Variants in PIGK observed in about 807,000 individuals in gnomAD.
PIGK encodes GPI-anchor transamidase.
PIGK carries 42 observed loss-of-function variants against 50.6 expected under a neutral mutation model. The ratio of observed to expected loss-of-function variants is 0.83; its 90% confidence interval spans 0.65 to 1.07. The LOEUF is 1.07. Among genes scored for constraint, PIGK ranks in the 50% least tolerant of loss-of-function variants. The pLI is 0.00. For missense variants in PIGK, 448 were observed against 488.7 expected, an observed-to-expected ratio of 0.92 and a Z score of 0.78; for synonymous variants, 151 against 156.0, an observed-to-expected ratio of 0.97 and a Z score of 0.24.
chr1:77,138,909 G>A (rs1030914009), intron 9 of PIGK, among the ~76,000 whole-genome samples: 3 of 152,110 alleles, frequency 2.0e-5, no homozygotes, highest in African/African-American at 7.2e-5. Flanking sequence ...TCACATGAGA[G>A]TATGACTGAT....
intron 10 of PIGK, among the ~76,000 whole-genome samples, chr1:77,111,400 A>G (rs1306387802): frequency 6.6e-6 from 1 of 152,216 alleles, no homozygotes; most frequent in Non-Finnish European, 1.5e-5. Context: ...AATGTGGCAC[A>G]TATACACCAT....
chr1:77,108,300 C>T (rs1390379808), intron 10 of PIGK, among the ~76,000 whole-genome samples: 1 of 152,192 alleles, frequency 6.6e-6, no homozygotes, highest in Non-Finnish European at 1.5e-5. Flanking sequence ...GACAAAATCT[C>T]TCAGCATTTG....
At chr1:77,194,095 C>T (rs1157736425) in intron 3 of PIGK, among the ~76,000 whole-genome samples, 1 of 152,198 alleles carries the variant, frequency 6.6e-6, no homozygotes, top group East Asian at 1.9e-4. Context: ...CTCAGCATCA[C>T]TAATCATTAG....
intron 9 of PIGK, among the ~76,000 whole-genome samples, chr1:77,138,222 T>G (rs1030288282): frequency 6.6e-6 from 1 of 152,224 alleles, no homozygotes; most frequent in Admixed American, 6.5e-5. Flanking sequence ...AGAAGGAGAC[T>G]GTCCTGAATG....
intron 10 of PIGK, among the ~76,000 whole-genome samples, chr1:77,106,281 G>T (rs1427957549): frequency 6.6e-6 from 1 of 152,046 alleles, no homozygotes; most frequent in Admixed American, 6.6e-5. Context: ...GCTTTCAAGT[G>T]GAAAAGGAGG....
In PIGK at chr1:77,166,781, C is replaced by T; in HGVS notation, c.425G>A (p.Ser142Asn). The T allele has an allele frequency of 2.5e-6, 4 of 1,604,160 alleles. No homozygotes were observed. Among genetic ancestry groups the T allele is most frequent in the Non-Finnish European group, 3.4e-6 (4 of 1,174,288 alleles). Residue 142 changes from serine to asparagine, a missense_variant, in exon 5 of 11, where the codon AGT becomes AAT. Physicochemically the swap from Ser to Asn is conservative, Grantham distance 46. Transcript: ENST00000370812. ...AAGAAGACGTTTTGACCGAGGAGTACTAGGTGGGATCCTCCCAGTTAATAC... is the reference window on the plus strand; with the variant it reads ...AAGAAGACGTTTTGACCGAGGAGTATTAGGTGGGATCCTCCCAGTTAATAC... ...LRVLTGRIPP[S>N]TPRSKRLLSD...
chr1:77,177,312 G>A (rs1482647635), intron 3 of PIGK, among the ~76,000 whole-genome samples: 1 of 152,222 alleles, frequency 6.6e-6, no homozygotes, highest in African/African-American at 2.4e-5. Context: ...GACATGTCTT[G>A]AGATGGCCAT....
intron 10 of PIGK, among the ~76,000 whole-genome samples, chr1:77,118,684 C>T (rs1361428737): frequency 6.6e-6 from 1 of 152,182 alleles, no homozygotes; most frequent in Non-Finnish European, 1.5e-5. Flanking sequence ...TAGTATCCCC[C>T]TCCAGTAGTT....
chr1:77,133,187 T>A (rs562522834), intron 9 of PIGK, among the ~76,000 whole-genome samples: 9 of 151,184 alleles, frequency 6.0e-5, no homozygotes, highest in African/African-American at 2.0e-4. Flanking sequence ...TATCTCGTAC[T>A]GTTTGTTTTT....
intron 3 of PIGK, among the ~76,000 whole-genome samples, chr1:77,170,512 C>T (rs950586163): frequency 1.3e-5 from 2 of 152,170 alleles, no homozygotes; most frequent in Admixed American, 6.5e-5. Context: ...CCCATCATCT[C>T]CTATCACCAC....
At chr1:77,128,283 C>T (rs1654274895) in intron 9 of PIGK, among the ~76,000 whole-genome samples, 1 of 152,080 alleles carries the variant, frequency 6.6e-6, no homozygotes. Context: ...GGAAAAAAGA[C>T]ATAATATGAG....
At chr1:77,159,026 CA>C (rs1441718079) in intron 8 of PIGK, among the ~76,000 whole-genome samples, 2 of 152,162 alleles carry the variant, frequency 1.3e-5, no homozygotes, top group African/African-American at 4.8e-5. Context: ...ACCTTCACAG[CA>C]GCCCCTCCCA....
chr1:77,153,059 C>T (rs1654927946), intron 9 of PIGK, among the ~76,000 whole-genome samples: 3 of 152,150 alleles, frequency 2.0e-5, no homozygotes, highest in African/African-American at 7.2e-5. Context: ...GAGTTATCTG[C>T]ACTCCCATGT....
At chr1:77,099,288 A>G (rs184694764) in intron 10 of PIGK, among the ~76,000 whole-genome samples, 14 of 152,306 alleles carry the variant, frequency 9.2e-5, no homozygotes, top group Admixed American at 5.9e-4. Context: ...AAACATACTA[A>G]AGTCTTAGTG....
intron 3 of PIGK, among the ~76,000 whole-genome samples, chr1:77,173,905 T>C (rs551689768): frequency 6.6e-6 from 1 of 152,344 alleles, no homozygotes; most frequent in South Asian, 2.1e-4. Context: ...TACTTTCTCT[T>C]AGTCTCCACC....
chr1:77,115,239 A>C (rs1653935307), intron 10 of PIGK, among the ~76,000 whole-genome samples: 1 of 152,236 alleles, frequency 6.6e-6, no homozygotes, highest in African/African-American at 2.4e-5. Context: ...ACAACATTTC[A>C]GGATGCAGAA....
chr1:77,200,019 T>C (rs932370511), intron 3 of PIGK, among the ~76,000 whole-genome samples: 12 of 152,184 alleles, frequency 7.9e-5, no homozygotes, highest in African/African-American at 2.6e-4. Flanking sequence ...AATGAAAATA[T>C]TGAGTTGGAA....
intron 10 of PIGK, among the ~76,000 whole-genome samples, chr1:77,122,048 C>T (rs1405531950): frequency 6.6e-6 from 1 of 151,984 alleles, no homozygotes; most frequent in Non-Finnish European, 1.5e-5. Context: ...CTTATTTTAT[C>T]CCATATTTTA....
chr1:77,173,561 C>A (rs1420038988), intron 3 of PIGK, among the ~76,000 whole-genome samples: 1 of 152,212 alleles, frequency 6.6e-6, no homozygotes, highest in Non-Finnish European at 1.5e-5. Flanking sequence ...TCTTACCAGA[C>A]TTCTGGCCTC....
Sources: gnomAD v4.1 joint callset for allele counts (sites outside exome capture counted in the v4.1 genomes callset) on GRCh38, gnomAD v4.1.1 for gene constraint, MANE v1.5 for transcripts, NCBI Gene and HGNC (gene_info 2026-07-23, HGNC 2026-07-21) for gene names.